MED13L: variants seen among roughly 807,000 people sequenced by gnomAD.
The protein encoded by MED13L is mediator complex subunit 13L.
MED13L carries 7 observed loss-of-function variants against 220.9 expected under a neutral mutation model. The observed-to-expected ratio is 0.03, with a 90% CI of 0.02 to 0.06. The LOEUF (loss-of-function observed/expected upper bound fraction) is 0.06. Ranked by LOEUF, MED13L falls within the 10% of genes least tolerant of loss-of-function variation. MED13L has a pLI of 1.00. For missense variants in MED13L, 1,965 were observed against 2,760.5 expected, an observed-to-expected ratio of 0.71 and a Z score of 6.46; for synonymous variants, 1,011 against 1,015.2, an observed-to-expected ratio of 1.00 and a Z score of 0.08.
chr12:116,016,434 T>C (rs1339695529), intron 7 of MED13L, among the ~76,000 whole-genome samples: 1 of 152,210 alleles, frequency 6.6e-6, no homozygotes, highest in Non-Finnish European at 1.5e-5. Context: ...ACTTGGTTCA[T>C]GATGCAAAAG....
At chr12:116,209,509 CT>C (rs1349966755) in intron 2 of MED13L, among the ~76,000 whole-genome samples, 2 of 152,264 alleles carry the variant, frequency 1.3e-5, no homozygotes, top group African/African-American at 2.4e-5. Flanking sequence ...TTTCTGATGC[CT>C]TGACCCAGTA....
rs1199395147 is a variant in MED13L at position 115,991,109 on chromosome 12, C to G, written c.3845G>C (p.Gly1282Ala). 3.7e-6 allele frequency: 6 copies of G among 1,614,194 alleles called. No homozygotes were observed. In the South Asian group the frequency reaches 6.6e-5, roughly 18 times the overall value. The change falls in exon 17 of 31, where the codon GGG becomes GCG. Residue 1282 changes from glycine to alanine, a missense_variant. By Grantham distance (60) the Gly-to-Ala change is moderately conservative. Around this residue, in one of 10 missense-constraint regions of MED13L, gnomAD observed 165 missense variants for 190.8 expected, o/e 0.86. Transcript: ENST00000281928. This position sits in a 1 kb window ranked among gnomAD's most constrained non-coding sequence, Gnocchi z 7.7. ...AGTGGGGTTATCCACATACTGCCGCCCCTGCTCCAACGCATTAAAGCATTC... is the reference window on the plus strand; with the variant it reads ...AGTGGGGTTATCCACATACTGCCGCGCCTGCTCCAACGCATTAAAGCATTC... ...WTECFNALEQ[G>A]RQYVDNPTGG...
chr12:115,968,914 A>C, intron 28 of MED13L, 26 bp downstream of exon 28: 1 of 1,613,414 alleles, frequency 6.2e-7, no homozygotes, highest in Non-Finnish European at 8.5e-7. Flanking sequence ...GGTTGTCTTA[A>C]ACAACGTACT....
intron 23 of MED13L, among the ~76,000 whole-genome samples, chr12:115,977,800 C>T (rs1437178391): frequency 6.6e-6 from 1 of 152,124 alleles, no homozygotes; most frequent in Non-Finnish European, 1.5e-5. Flanking sequence ...AGCTCAAGAC[C>T]AGCCTGGGCA....
In MED13L at chr12:116,219,122, T is replaced by G. The variant is rs111463119; in HGVS notation, c.310+18346A>C. 8.1e-3 allele frequency among the ~76,000 whole-genome samples: 1,229 copies of G among 152,302 alleles called. 24 individuals carry two copies. The highest frequency in any genetic ancestry group is 0.028 in the African/African-American group (1,159 of 41,558). On this transcript the variant is annotated intron_variant, in intron 2 of 30. Transcript: ENST00000281928. ...ACCATTCTAGTCAGTTCAAAAAATT[T>G]TGGAAGCTGACAGAATGTCAATAAT...
At chr12:116,126,738 TCTTTA>T in intron 2 of MED13L, among the ~76,000 whole-genome samples, 1 of 152,332 alleles carries the variant, frequency 6.6e-6, no homozygotes, top group African/African-American at 2.4e-5. Context: ...TTTATAGTTA[TCTTTA>T]CTTTCTTTGA....
intron 1 of MED13L, among the ~76,000 whole-genome samples, chr12:116,267,759 C>G (rs1400348471): frequency 6.6e-6 from 1 of 152,186 alleles, no homozygotes; most frequent in Non-Finnish European, 1.5e-5. Context: ...AATTCTGGAT[C>G]AAGCCCCCAA....
At chr12:116,160,188 CA>C in intron 2 of MED13L, among the ~76,000 whole-genome samples, 1 of 152,216 alleles carries the variant, frequency 6.6e-6, no homozygotes, top group Non-Finnish European at 1.5e-5. Flanking sequence ...ATAAAACAGA[CA>C]GATATTTAAA....
chr12:116,119,839 ATATATATAT>A (rs1327323043), intron 2 of MED13L, among the ~76,000 whole-genome samples: 5 of 49,302 alleles, frequency 1.0e-4, no homozygotes, highest in African/African-American at 4.8e-4. Context: ...AAAAAAAAAA[ATATATATAT>A]ATATATATAT....
intron 29 of MED13L, among the ~76,000 whole-genome samples, chr12:115,964,983 AT>A (rs1418943150): frequency 6.6e-6 from 1 of 152,262 alleles, no homozygotes; most frequent in Non-Finnish European, 1.5e-5. Flanking sequence ...CTATGCTCAT[AT>A]TGATAATTCT....
chr12:116,215,251 T>C (rs1350763826), intron 2 of MED13L, among the ~76,000 whole-genome samples: 1 of 152,218 alleles, frequency 6.6e-6, no homozygotes, highest in Non-Finnish European at 1.5e-5. Flanking sequence ...TTCCTCTAAG[T>C]GAACATTCTT....
chr12:115,982,613 G>C lies in MED13L; in HGVS notation c.4956-10C>G, dbSNP rs1060504701. 1 of 1,601,380 alleles carries C rather than the reference G, an allele frequency of 6.2e-7. No individual in the cohort carries two copies. The highest frequency in any genetic ancestry group is 8.6e-7 in the Non-Finnish European group (1 of 1,168,664). On this transcript the variant is annotated splice_polypyrimidine_tract_variant and intron_variant, in intron 21 of 30. Transcript: ENST00000281928. The stretch of plus-strand genomic sequence containing the variant: ...CTCCCTTTCTGTAACACTGGAGAGA[G>C]AGTCACTTGTGAGATGCACAAAATA...
chr12:116,141,910 T>C (rs946026872), intron 2 of MED13L, among the ~76,000 whole-genome samples: 4 of 151,982 alleles, frequency 2.6e-5, no homozygotes, highest in Non-Finnish European at 5.9e-5. Flanking sequence ...CCCCACACCC[T>C]ACCCCAGCTT....
rs761274971 is a variant in MED13L, at chr12:116,005,851, T to G, written c.2469+18A>C. The G allele has an allele frequency of 6.2e-7, 1 of 1,613,682 alleles. No homozygotes were observed. The highest frequency in any genetic ancestry group is 1.1e-5 in the South Asian group (1 of 91,084). ...TCATGTAGCGAAATTTTTGTTTATGTAGCTACGGCAAACTCACCCCAAGTT... is the reference window on the plus strand; with the variant it reads ...TCATGTAGCGAAATTTTTGTTTATGGAGCTACGGCAAACTCACCCCAAGTT... On this transcript the variant is annotated intron_variant, in intron 13 of 30. Coordinates refer to ENST00000281928, the MANE Select transcript of MED13L (RefSeq NM_015335.5).
intron 4 of MED13L, among the ~76,000 whole-genome samples, chr12:116,027,992 G>A (rs1423558995): frequency 6.6e-6 from 1 of 152,102 alleles, no homozygotes; most frequent in East Asian, 1.9e-4. Context: ...TAAAATTCCG[G>A]TGTTTTCATA....
Position 115,972,151 on chromosome 12 carries a change from G to A in MED13L, c.5817C>T (p.Ala1939=), listed in dbSNP as rs781200403. Residue 1939 remains alanine, a synonymous_variant, in exon 26 of 31, where the codon GCC becomes GCT. Coordinates refer to ENST00000281928, the MANE Select transcript of MED13L (RefSeq NM_015335.5). ...KDVCRMCGIS[A]ADSPSILSAC... Reference sequence around the variant, plus strand: ...CACTAAGGATAGAAGGAGAGTCTGCGGCAGAGATTCCACACATCCGGCACA... The same window carrying A: ...CACTAAGGATAGAAGGAGAGTCTGCAGCAGAGATTCCACACATCCGGCACA... 116 of 1,613,836 alleles carry A rather than the reference G, an allele frequency of 7.2e-5. No homozygotes were observed. The highest frequency in any genetic ancestry group is 8.6e-5 in the Non-Finnish European group (101 of 1,179,896).
At chr12:116,125,682 T>C (rs1254711640) in intron 2 of MED13L, among the ~76,000 whole-genome samples, 1 of 152,240 alleles carries the variant, frequency 6.6e-6, no homozygotes, top group Non-Finnish European at 1.5e-5. Context: ...TTTTCTGTAC[T>C]GTGTGAAGTC....
At chr12:116,056,185 T>C (rs1038369217) in intron 4 of MED13L, among the ~76,000 whole-genome samples, 3 of 152,144 alleles carry the variant, frequency 2.0e-5, no homozygotes, top group African/African-American at 4.8e-5. Flanking sequence ...AGCAAGAGTG[T>C]ACAATCTGGC....
At chr12:116,041,845 GACAAACAA>G (rs1163910028) in intron 4 of MED13L, among the ~76,000 whole-genome samples, 1 of 151,988 alleles carries the variant, frequency 6.6e-6, no homozygotes, top group Non-Finnish European at 1.5e-5. Flanking sequence ...AAAACAGACA[GACAAACAA>G]ACAAACAAAC....
Sources: allele counts gnomAD v4.1 joint callset (sites outside exome capture counted in the v4.1 genomes callset), GRCh38; gene constraint gnomAD v4.1.1; regional missense constraint gnomAD v4.1.1; non-coding constraint Gnocchi (gnomAD v3.1); transcripts MANE v1.5; gene names NCBI Gene and HGNC (gene_info 2026-07-23, HGNC 2026-07-21).